Variants in SLC25A16 observed in about 807,000 individuals in gnomAD.
SLC25A16 encodes the protein mitochondrial coenzyme A transporter SLC25A16.
A neutral mutation model predicts 41.5 loss-of-function variants in SLC25A16; 39 were observed. That is an observed-to-expected ratio of 0.94 (90% confidence interval 0.73 to 1.23). The LOEUF (loss-of-function observed/expected upper bound fraction) is 1.23, where lower values mean the gene tolerates loss of function less well. Ranked by LOEUF, SLC25A16 falls within the 50% of genes most tolerant of loss-of-function variation. SLC25A16 has a pLI of 0.00. For synonymous variants in SLC25A16, 146 were observed against 147.8 expected, an observed-to-expected ratio of 0.99 and a Z score of 0.09; for missense variants, 421 against 426.9, an observed-to-expected ratio of 0.99 and a Z score of 0.12.
intron 4 of SLC25A16, among the ~76,000 whole-genome samples, chr10:68,497,993 A>C (rs1394065304): frequency 6.6e-6 from 1 of 152,088 alleles, no homozygotes; most frequent in African/African-American, 2.4e-5. Context: ...CTCCCTCCTT[A>C]GCCTCCCAAA....
At chr10:68,501,403 G>A (rs1157446849) in intron 4 of SLC25A16, among the ~76,000 whole-genome samples, 2 of 152,066 alleles carry the variant, frequency 1.3e-5, no homozygotes, top group East Asian at 1.9e-4. Flanking sequence ...CATGTCAAGA[G>A]TTCTGTCAGC....
intron 1 of SLC25A16, among the ~76,000 whole-genome samples, chr10:68,523,549 A>G (rs868049422): frequency 6.6e-6 from 1 of 151,952 alleles, no homozygotes; most frequent in Non-Finnish European, 1.5e-5. Flanking sequence ...CTTGTCTCAC[A>G]ACAACCTCCA....
chr10:68,493,542 AG>A lies in SLC25A16; in HGVS notation c.449del (p.Pro150LeufsTer9). 1 of 1,613,222 alleles carries A rather than the reference AG, an allele frequency of 6.2e-7. No individual in the cohort carries two copies. The highest frequency in any genetic ancestry group is 1.1e-5 in the South Asian group (1 of 91,062). On this transcript the variant is annotated frameshift_variant, in exon 5 of 9. Coordinates refer to ENST00000609923, the MANE Select transcript of SLC25A16 (RefSeq NM_152707.4). LOFTEE classifies it high-confidence loss of function. Reference protein sequence around the residue: ...AGMTAVICTYPLDMVRVRLAF... With the variant: ...AGMTAVICTYXLDMVRVRLAF... Reference sequence around the variant, plus strand: ...CTAGGCGGACCCTAACCATGTCAAGAGGGTAAGTACAGATAACTGCTGTCAT... The same window carrying A: ...CTAGGCGGACCCTAACCATGTCAAGAGGTAAGTACAGATAACTGCTGTCAT...
chr10:68,511,627 AGACAAAAAAAGAAAAT>A (rs2053064990), intron 2 of SLC25A16, among the ~76,000 whole-genome samples: 2 of 152,224 alleles, frequency 1.3e-5, no homozygotes, highest in Non-Finnish European at 2.9e-5. Context: ...TCCTCAAGTT[AGACAAAAAAAGAAAAT>A]AATTTCCTTC....
intron 3 of SLC25A16, among the ~76,000 whole-genome samples, chr10:68,504,856 T>C (rs1309229806): frequency 1.3e-5 from 2 of 152,044 alleles, no homozygotes; most frequent in African/African-American, 4.8e-5. Flanking sequence ...AATTTTGTAT[T>C]TTTAGTAGAG....
chr10:68,516,914 C>A, intron 1 of SLC25A16, 71 bp from the exon 2 acceptor site: 1 of 1,286,572 alleles, frequency 7.8e-7, no homozygotes, highest in South Asian at 1.3e-5. Context: ...ATTAGTTGTT[C>A]AGCCAGCAAA....
chr10:68,523,476 C>CG (rs1564931517), intron 1 of SLC25A16, among the ~76,000 whole-genome samples: 1 of 151,644 alleles, frequency 6.6e-6, no homozygotes, highest in Non-Finnish European at 1.5e-5. Context: ...GAATAAATGT[C>CG]ATTTTTTTTT....
At chr10:68,519,723 T>C (rs193144840) in intron 1 of SLC25A16, among the ~76,000 whole-genome samples, 18 of 151,726 alleles carry the variant, frequency 1.2e-4, no homozygotes, top group African/African-American at 4.1e-4. Flanking sequence ...GAGACCAGCC[T>C]AGCCAACATG....
intron 1 of SLC25A16, 65 bp downstream of exon 1, chr10:68,527,181 C>T: frequency 7.3e-6 from 11 of 1,502,512 alleles, no homozygotes; most frequent in Non-Finnish European, 9.8e-6. Flanking sequence ...CGCTTGCATC[C>T]CACTTGCCCA....
Position 68,483,403 on chromosome 10 carries a change from T to C in SLC25A16, c.*29A>G, listed in dbSNP as rs2133475798. ...TGTTTCATTTCTCCCTCTGAGAATGTATTAAGAAAAACCAACCATAATTTT... is the reference window on the plus strand; with the variant it reads ...TGTTTCATTTCTCCCTCTGAGAATGCATTAAGAAAAACCAACCATAATTTT... On this transcript the variant is annotated 3_prime_UTR_variant, in exon 9 of 9. Transcript: ENST00000609923. The C allele has an allele frequency of 7.1e-7, 1 of 1,414,064 alleles. No individual in the cohort carries two copies. Among genetic ancestry groups the C allele is most frequent in the East Asian group, 2.3e-5 (1 of 43,210 alleles). The allele number at this position is 1,414,064 out of a possible 1,614,324, so 87.6% of individuals were successfully genotyped here.
Position 68,479,614 on chromosome 10 carries a change from G to C in SLC25A16, c.*3818C>G, listed in dbSNP as rs2052463195. 1 of 152,146 alleles carries C rather than the reference G, an allele frequency of 6.6e-6. No individual in the cohort carries two copies. Among genetic ancestry groups the C allele is most frequent in the South Asian group, 2.1e-4 (1 of 4,826 alleles). 9.4% of individuals were successfully genotyped at this position (152,146 alleles called of 1,614,324 possible). A position where few individuals can be genotyped will look rare whatever the true frequency, so the allele number is the denominator to read the frequency against. On this transcript the variant is annotated 3_prime_UTR_variant, in exon 9 of 9. Coordinates refer to ENST00000609923, the MANE Select transcript of SLC25A16 (RefSeq NM_152707.4). ...GAGGTCAGGTATTCAAGACCAGCCT[G>C]GCCAACAGGGCAAAACCCAGCTCTA... is the stretch of plus-strand genomic sequence containing the variant.
chr10:68,518,505 G>A (rs540304557), intron 1 of SLC25A16, among the ~76,000 whole-genome samples: 6 of 152,122 alleles, frequency 3.9e-5, no homozygotes, highest in African/African-American at 1.2e-4. Context: ...GCTGGGAGCC[G>A]TGGCTCATGC....
intron 6 of SLC25A16, among the ~76,000 whole-genome samples, chr10:68,491,435 G>A (rs1252746287): frequency 6.6e-6 from 1 of 152,042 alleles, no homozygotes; most frequent in Non-Finnish European, 1.5e-5. Context: ...ATGTTGGTCA[G>A]GCTGGTCTCA....
intron 4 of SLC25A16, among the ~76,000 whole-genome samples, chr10:68,497,621 A>ATTTTTTT (rs565594457): frequency 5.7e-5 from 8 of 140,064 alleles, no homozygotes; most frequent in African/African-American, 2.1e-4. Flanking sequence ...TTTTTTTTTA[A>ATTTTTTT]TTTTTTTTTT....
chr10:68,489,734 C>A (rs1203189505), intron 6 of SLC25A16, among the ~76,000 whole-genome samples: 1 of 151,812 alleles, frequency 6.6e-6, no homozygotes, highest in Admixed American at 6.6e-5. Flanking sequence ...AACCCTGTCT[C>A]TACAAAAAAT....
At position 68,483,505 on chromosome 10, in the gene SLC25A16, A is replaced by G. The variant is rs756038739; in HGVS notation, c.926T>C (p.Ile309Thr). The change falls in exon 9 of 9, where the codon ATT (isoleucine) becomes ACT (threonine). Residue 309 changes from isoleucine to threonine, a missense_variant. Physicochemically the swap from Ile to Thr is moderately conservative, Grantham distance 89. Coordinates refer to ENST00000609923, the MANE Select transcript of SLC25A16 (RefSeq NM_152707.4). ...CACTGCTTGAGAGGGAATACAGCGA[A>G]TGTAATTAAGAGATAAACCACGATA... ...GLYRGLSLNY[I>T]RCIPSQAVAF... 1.9e-6 allele frequency: 3 copies of G among 1,613,050 alleles called. No homozygotes were observed. The highest frequency in any genetic ancestry group is 2.7e-5 in the African/African-American group (2 of 74,928).
chr10:68,482,935 G>A lies in SLC25A16; in HGVS notation c.*497C>T. Reference sequence around the variant, plus strand: ...AAAGAAGTGTTTTTCCTATTATCCAGTGGAGCATAATTGTGAGAAGAGAGA... The same window carrying A: ...AAAGAAGTGTTTTTCCTATTATCCAATGGAGCATAATTGTGAGAAGAGAGA... On this transcript the variant is annotated 3_prime_UTR_variant, in exon 9 of 9. Transcript: ENST00000609923. 1 of 152,106 alleles carries A rather than the reference G, an allele frequency of 6.6e-6. No homozygotes were observed. The allele number at this position is 152,106 out of a possible 1,614,324, so 9.4% of individuals were successfully genotyped here.
In SLC25A16 at chr10:68,481,273, C is replaced by A. The variant is rs1198689040; in HGVS notation, c.*2159G>T. On this transcript the variant is annotated 3_prime_UTR_variant, in exon 9 of 9. Transcript: ENST00000609923. ...ATGCTGGGATTACAGGCGTGAGCCA[C>A]CACATCTGGCCAAGAACACATGTAT... The A allele has an allele frequency of 6.6e-6, 1 of 152,172 alleles. No individual in the cohort carries two copies. Among genetic ancestry groups the A allele is most frequent in the Non-Finnish European group, 1.5e-5 (1 of 68,038 alleles). The allele number at this position is 152,172 out of a possible 1,614,324, so 9.4% of individuals were successfully genotyped here. A position where few individuals can be genotyped will look rare whatever the true frequency, so the allele number is the denominator to read the frequency against.
chr10:68,503,745 C>A, intron 3 of SLC25A16, 50 bp from the exon 4 acceptor site: 1 of 1,075,606 alleles, frequency 9.3e-7, no homozygotes, highest in African/African-American at 1.6e-5. Context: ...AAATGCTGCC[C>A]ATTTCACTGT....
Sources: gnomAD v4.1 joint callset for allele counts (sites outside exome capture counted in the v4.1 genomes callset) on GRCh38, gnomAD v4.1.1 for gene constraint, MANE v1.5 for transcripts, NCBI Gene and HGNC (gene_info 2026-07-23, HGNC 2026-07-21) for gene names.